Variants in EYA1 observed in about 807,000 individuals in gnomAD.
EYA1 encodes protein phosphatase EYA1.
In EYA1, 16 loss-of-function variants were observed where a neutral mutation model predicts 82.0. That is an observed-to-expected ratio of 0.20 (90% CI 0.13 to 0.30). The LOEUF (loss-of-function observed/expected upper bound fraction) is 0.30, where lower values mean the gene tolerates loss of function less well. EYA1 is among the 10% of genes least tolerant of loss of function. The pLI is 1.00. For synonymous variants in EYA1, 261 were observed against 264.4 expected (o/e 0.99, Z 0.12); for missense variants, 633 against 730.7 (o/e 0.87, Z 1.54).
chr8:71,256,537 G>A (rs1176547638), intron 11 of EYA1, among the ~76,000 whole-genome samples: 1 of 152,102 alleles, frequency 6.6e-6, no homozygotes, highest in Non-Finnish European at 1.5e-5. Context: ...GCCAGGAATT[G>A]GGGGGAGGGG....
chr8:71,487,152 G>T (rs1017254194), intron 2 of EYA1, among the ~76,000 whole-genome samples: 1 of 151,752 alleles, frequency 6.6e-6, no homozygotes, highest in Non-Finnish European at 1.5e-5. Context: ...GTATTATTTG[G>T]ACAATGAGAC....
At chr8:71,322,521 C>A in intron 4 of EYA1, 1 of 492,542 alleles carries the variant, frequency 2.0e-6, no homozygotes, top group Non-Finnish European at 3.7e-6. Context: ...TCACAATCTT[C>A]GCAAATACCT....
chr8:71,376,936 C>G (rs1828408926), intron 2 of EYA1, among the ~76,000 whole-genome samples: 1 of 152,130 alleles, frequency 6.6e-6, no homozygotes, highest in African/African-American at 2.4e-5. Flanking sequence ...GTATGCTATG[C>G]TCACTCTTGT....
chr8:71,243,905 C>A (rs1812774391), intron 12 of EYA1, among the ~76,000 whole-genome samples: 1 of 152,232 alleles, frequency 6.6e-6, no homozygotes, highest in Admixed American at 6.5e-5. Context: ...GCTTGCTTAA[C>A]AGCGGAATTT....
At chr8:71,523,305 G>A (rs1480367839) in intron 2 of EYA1, among the ~76,000 whole-genome samples, 1 of 150,582 alleles carries the variant, frequency 6.6e-6, no homozygotes, top group African/African-American at 2.4e-5. Flanking sequence ...CAGCCTCCCG[G>A]GTAGCTGGGA....
intron 9 of EYA1, among the ~76,000 whole-genome samples, chr8:71,286,685 C>A (rs1455457259): frequency 6.6e-6 from 1 of 151,778 alleles, no homozygotes; most frequent in Non-Finnish European, 1.5e-5. Flanking sequence ...GAAAGAAGGC[C>A]AATGATATTC....
chr8:71,469,229 A>G (rs1158172170), intron 2 of EYA1, among the ~76,000 whole-genome samples: 1 of 152,136 alleles, frequency 6.6e-6, no homozygotes, highest in Non-Finnish European at 1.5e-5. Context: ...ATAAACAAAT[A>G]GTTATATTTT....
chr8:71,359,142 G>C (rs566956791), intron 1 of EYA1, among the ~76,000 whole-genome samples: 6 of 152,166 alleles, frequency 3.9e-5, no homozygotes, highest in African/African-American at 1.4e-4. Context: ...AATACAAATA[G>C]CAACAAGCAG....
chr8:71,427,291 C>G (rs1298930248), intron 2 of EYA1, among the ~76,000 whole-genome samples: 3 of 152,174 alleles, frequency 2.0e-5, no homozygotes. Flanking sequence ...AGCCTTCCTC[C>G]CTATGTTTGG....
In EYA1 at chr8:71,255,830, G is replaced by A. The variant is rs181988916; in HGVS notation, c.1051-11138C>T. ...ATTTGAAAATCATATATTTAATAAG[G>A]GGTCAATATCCAGAATATGTAAAGA... On this transcript the variant is annotated intron_variant, in intron 11 of 17. Transcript: ENST00000340726. 5.9e-5 allele frequency among the ~76,000 whole-genome samples: 9 copies of A among 151,904 alleles called. No individual in the cohort carries two copies. In the East Asian group the frequency reaches 1.7e-3, roughly 29 times the overall value.
chr8:71,457,956 A>G (rs762193508), intron 2 of EYA1, among the ~76,000 whole-genome samples: 11 of 152,160 alleles, frequency 7.2e-5, no homozygotes, highest in Non-Finnish European at 1.5e-4. Flanking sequence ...CTCACCTTAC[A>G]TCTTAATTAC....
At chr8:71,334,737 A>G (rs1391897415) in intron 3 of EYA1, among the ~76,000 whole-genome samples, 1 of 148,958 alleles carries the variant, frequency 6.7e-6, no homozygotes, top group Non-Finnish European at 1.5e-5. Flanking sequence ...CTGACTGCCA[A>G]TTCACCAATA....
rs1344056925 is a variant in EYA1, at chr8:71,327,918, G to T, written c.203-5650C>A. Among the ~76,000 whole-genome samples the T allele has an allele frequency of 2.8e-5, 4 of 143,574 alleles. No homozygotes were observed. In the Admixed American group the frequency reaches 2.9e-4, roughly 10 times the overall value. 94.2% of individuals were successfully genotyped at this position (143,574 alleles called of 152,430 possible). A position where few individuals can be genotyped will look rare whatever the true frequency, so the allele number is the denominator to read the frequency against. Reference sequence around the variant, plus strand: ...GTCGCCCTGGCTAGAGTGCAATGGTGCATCTCAGCTCACTGCAACCTCCGC... The same window carrying T: ...GTCGCCCTGGCTAGAGTGCAATGGTTCATCTCAGCTCACTGCAACCTCCGC... On this transcript the variant is annotated intron_variant, in intron 4 of 17. Transcript: ENST00000340726.
At chr8:71,299,590 T>A in intron 8 of EYA1, 48 bp downstream of exon 8, 1 of 1,013,414 alleles carries the variant, frequency 9.9e-7, no homozygotes, top group Admixed American at 1.7e-5. Context: ...GAAAATCATG[T>A]TGCATTTAAA....
At chr8:71,290,091 G>A (rs1818830636) in intron 9 of EYA1, among the ~76,000 whole-genome samples, 1 of 152,000 alleles carries the variant, frequency 6.6e-6, no homozygotes, top group African/African-American at 2.4e-5. Flanking sequence ...ATGTTCATGT[G>A]TTATTATTCA....
intron 12 of EYA1, among the ~76,000 whole-genome samples, chr8:71,222,176 GA>G (rs1810007804): frequency 6.6e-6 from 1 of 152,108 alleles, no homozygotes; most frequent in African/African-American, 2.4e-5. Context: ...TTCTTCTGAG[GA>G]GGTAAGAATT....
intron 3 of EYA1, among the ~76,000 whole-genome samples, chr8:71,348,850 T>C (rs1045778709): frequency 3.5e-4 from 54 of 152,348 alleles, no homozygotes; most frequent in Middle Eastern, 3.4e-3. Flanking sequence ...GTTGCTTGGC[T>C]GGTATAATTT....
intron 2 of EYA1, among the ~76,000 whole-genome samples, chr8:71,385,704 AC>A (rs1347626240): frequency 2.6e-5 from 4 of 152,198 alleles, no homozygotes; most frequent in Non-Finnish European, 5.9e-5. Context: ...AACTTTAAAA[AC>A]TTTTAACGCA....
intron 12 of EYA1, among the ~76,000 whole-genome samples, chr8:71,241,947 G>GT (rs1028267846): frequency 2.6e-5 from 4 of 152,152 alleles, no homozygotes; most frequent in African/African-American, 9.7e-5. Context: ...ACTCATGCCT[G>GT]TAATCCCAGT....
Sources: gnomAD v4.1 joint callset for allele counts (sites outside exome capture counted in the v4.1 genomes callset) on GRCh38, gnomAD v4.1.1 for gene constraint, MANE v1.5 for transcripts, NCBI Gene and HGNC (gene_info 2026-07-23, HGNC 2026-07-21) for gene names.